Variants in PITPNC1 observed in about 807,000 individuals in gnomAD.
PITPNC1 encodes the protein cytoplasmic phosphatidylinositol transfer protein 1.
A neutral mutation model predicts 44.7 loss-of-function variants in PITPNC1; 18 were observed. The observed-to-expected ratio is 0.40, with a 90% CI of 0.28 to 0.60. The LOEUF is 0.60. Ranked by LOEUF, PITPNC1 falls within the 20% of genes least tolerant of loss-of-function variation. PITPNC1 has a pLI of 0.39. For synonymous variants in PITPNC1, 141 were observed against 149.6 expected, an observed-to-expected ratio of 0.94 and a Z score of 0.42; for missense variants, 290 against 418.4, an observed-to-expected ratio of 0.69 and a Z score of 2.68.
chr17:67,529,096 T>C (rs1484030282), intron 1 of PITPNC1, among the ~76,000 whole-genome samples: 6 of 152,104 alleles, frequency 3.9e-5, no homozygotes, highest in Admixed American at 6.5e-5. Context: ...CTCAGTGAGC[T>C]AATGCCAGTG....
At chr17:67,632,470 A>T (rs567720014) in intron 6 of PITPNC1, 1 of 550,784 alleles carries the variant, frequency 1.8e-6, no homozygotes, top group South Asian at 2.3e-5. Flanking sequence ...CTGTCTCCCA[A>T]CTCTGCCATC....
At chr17:67,422,655 C>T (rs984395464) in intron 1 of PITPNC1, among the ~76,000 whole-genome samples, 11 of 152,076 alleles carry the variant, frequency 7.2e-5, no homozygotes, top group African/African-American at 2.4e-4. Flanking sequence ...TCAAGAGATT[C>T]TCCTGCCTCA....
chr17:67,380,366 C>G (rs926952300), intron 1 of PITPNC1, among the ~76,000 whole-genome samples: 1 of 152,188 alleles, frequency 6.6e-6, no homozygotes, highest in Non-Finnish European at 1.5e-5. Context: ...TGAGCCACTG[C>G]GCCCAGCCAG....
chr17:67,531,262 G>A (rs186308355), intron 1 of PITPNC1, among the ~76,000 whole-genome samples: 1 of 152,258 alleles, frequency 6.6e-6, no homozygotes, highest in Non-Finnish European at 1.5e-5. Flanking sequence ...AAAAAAAGAG[G>A]ATTTCATCTT....
chr17:67,442,204 C>CATATATATATATGT (rs2039021753), intron 1 of PITPNC1, among the ~76,000 whole-genome samples: 2 of 54,218 alleles, frequency 3.7e-5, no homozygotes, highest in Non-Finnish European at 7.7e-5. Context: ...GGAAAATAAG[C>CATATATATATATGT]ATATATATAT....
chr17:67,579,322 C>T (rs2041194512), intron 5 of PITPNC1, among the ~76,000 whole-genome samples: 1 of 152,232 alleles, frequency 6.6e-6, no homozygotes, highest in South Asian at 2.1e-4. Context: ...TGGGTTCCCT[C>T]AGGACCCGTT....
chr17:67,637,427 G>A (rs1233354382), intron 6 of PITPNC1, among the ~76,000 whole-genome samples: 1 of 152,082 alleles, frequency 6.6e-6, no homozygotes, highest in Non-Finnish European at 1.5e-5. Flanking sequence ...ATCTGTTCCT[G>A]GATTTTTTTG....
intron 1 of PITPNC1, among the ~76,000 whole-genome samples, chr17:67,521,554 G>T (rs1358075498): frequency 2.0e-5 from 3 of 151,978 alleles, no homozygotes; most frequent in Non-Finnish European, 4.4e-5. Flanking sequence ...AAACACCCAA[G>T]AACTTTACAC....
chr17:67,387,477 C>T (rs1361982476), intron 1 of PITPNC1, among the ~76,000 whole-genome samples: 1 of 152,044 alleles, frequency 6.6e-6, no homozygotes, highest in African/African-American at 2.4e-5. Context: ...ATCAGCCTGG[C>T]CAACGTGATG....
At chr17:67,479,514 T>G (rs1568007073) in intron 1 of PITPNC1, among the ~76,000 whole-genome samples, 1 of 152,224 alleles carries the variant, frequency 6.6e-6, no homozygotes, top group Non-Finnish European at 1.5e-5. Flanking sequence ...AATGAGCACT[T>G]GATGACTTGA....
chr17:67,657,160 T>TTTGTTTTGTTTTG (rs371803459), intron 6 of PITPNC1, among the ~76,000 whole-genome samples: 2 of 150,722 alleles, frequency 1.3e-5, no homozygotes, highest in African/African-American at 4.9e-5. Flanking sequence ...ACCCCCGTTT[T>TTTGTTTTGTTTTG]TTTTGTTTTG....
intron 2 of PITPNC1, among the ~76,000 whole-genome samples, chr17:67,540,220 C>T (rs1055367257): frequency 2.0e-5 from 3 of 152,090 alleles, no homozygotes; most frequent in Non-Finnish European, 4.4e-5. Flanking sequence ...ACTCGTGCCT[C>T]AGCCTCCTGA....
intron 1 of PITPNC1, among the ~76,000 whole-genome samples, chr17:67,473,671 T>C (rs2039583709): frequency 6.6e-6 from 1 of 152,174 alleles, no homozygotes; most frequent in Non-Finnish European, 1.5e-5. Context: ...CTTGAACTCC[T>C]GAGCTCAAGT....
intron 4 of PITPNC1, among the ~76,000 whole-genome samples, chr17:67,564,078 G>T (rs2040941366): frequency 6.6e-6 from 1 of 152,108 alleles, no homozygotes; most frequent in Non-Finnish European, 1.5e-5. Flanking sequence ...TGGATGGATG[G>T]ATTGATAGAT....
At chr17:67,563,243 A>G (rs1050390799) in intron 4 of PITPNC1, among the ~76,000 whole-genome samples, 2 of 152,214 alleles carry the variant, frequency 1.3e-5, no homozygotes, top group Non-Finnish European at 2.9e-5. Context: ...TGTCATCTAC[A>G]GGGGAACTCC....
chr17:67,514,052 C>T (rs985501311), intron 1 of PITPNC1, among the ~76,000 whole-genome samples: 10 of 150,912 alleles, frequency 6.6e-5, no homozygotes, highest in Non-Finnish European at 1.0e-4. Context: ...CTGTGTAGGT[C>T]GAGATAGAAG....
intron 1 of PITPNC1, among the ~76,000 whole-genome samples, chr17:67,467,700 G>A (rs2039448466): frequency 6.6e-6 from 1 of 152,120 alleles, no homozygotes; most frequent in Non-Finnish European, 1.5e-5. Context: ...AAAAAGCAAA[G>A]CCACCTGCCA....
chr17:67,486,374 C>T (rs2039778099), intron 1 of PITPNC1, among the ~76,000 whole-genome samples: 1 of 152,128 alleles, frequency 6.6e-6, no homozygotes, highest in Non-Finnish European at 1.5e-5. Context: ...GCTTAGCCTG[C>T]CTTTAATGAG....
At chr17:67,395,150 C>T (rs1469341727) in intron 1 of PITPNC1, among the ~76,000 whole-genome samples, 1 of 151,402 alleles carries the variant, frequency 6.6e-6, no homozygotes, top group Non-Finnish European at 1.5e-5. Flanking sequence ...TAATCACCTG[C>T]TTATCTGGAC....
Sources: gnomAD v4.1 joint callset for allele counts (sites outside exome capture counted in the v4.1 genomes callset) on GRCh38, gnomAD v4.1.1 for gene constraint, MANE v1.5 for transcripts, NCBI Gene and HGNC (gene_info 2026-07-23, HGNC 2026-07-21) for gene names.